EXOC4: variants seen among roughly 807,000 people sequenced by gnomAD.
EXOC4 encodes the protein exocyst complex component 4, also known as SEC8-like 1.
In EXOC4, 71 loss-of-function variants were observed where a neutral mutation model predicts 107.2. The observed-to-expected ratio is 0.66, with a 90% CI of 0.55 to 0.81. The LOEUF is 0.81. Ranked by LOEUF, EXOC4 falls within the 30% of genes least tolerant of loss-of-function variation. The probability of loss-of-function intolerance (pLI) is 0.00; values close to 1 mark genes in which losing one functional copy is unlikely to be tolerated. For synonymous variants in EXOC4, 456 were observed against 441.2 expected (o/e 1.03, Z -0.42); for missense variants, 1,108 against 1,189.6 (o/e 0.93, Z 1.01).
chr7:134,031,412 G>A (rs572201941), intron 17 of EXOC4, among the ~76,000 whole-genome samples: 10 of 152,024 alleles, frequency 6.6e-5, no homozygotes, highest in Admixed American at 3.9e-4. Context: ...CATTTTTATG[G>A]GTTATGGAAA....
chr7:133,298,968 A>G (rs1404048533), intron 3 of EXOC4, among the ~76,000 whole-genome samples: 1 of 152,200 alleles, frequency 6.6e-6, no homozygotes, highest in Non-Finnish European at 1.5e-5. Context: ...AATACTAAAT[A>G]TAATGTTTAG....
chr7:133,716,629 A>G (rs1023084092), intron 10 of EXOC4, among the ~76,000 whole-genome samples: 9 of 152,174 alleles, frequency 5.9e-5, no homozygotes, highest in African/African-American at 2.2e-4. Flanking sequence ...TATAGGATTT[A>G]TTTGTTTTAC....
intron 11 of EXOC4, among the ~76,000 whole-genome samples, chr7:133,871,508 G>A (rs116470920): frequency 0.01 from 1,563 of 152,108 alleles, 24 homozygotes; most frequent in African/African-American, 0.036. Flanking sequence ...AACCTTACAC[G>A]TTTTCCCCCC....
intron 4 of EXOC4, among the ~76,000 whole-genome samples, chr7:133,308,640 A>G (rs1300092270): frequency 2.0e-5 from 3 of 152,196 alleles, no homozygotes; most frequent in Admixed American, 6.6e-5. Flanking sequence ...TAGAGTATAA[A>G]TAAAAAAACC....
intron 9 of EXOC4, among the ~76,000 whole-genome samples, chr7:133,544,808 C>G (rs912847741): frequency 1.4e-5 from 2 of 145,690 alleles, no homozygotes; most frequent in Admixed American, 1.4e-4. Flanking sequence ...ACCTTGTTGT[C>G]TTCCACTTGT....
chr7:133,869,591 T>A (rs554578587), intron 11 of EXOC4, among the ~76,000 whole-genome samples: 3 of 152,342 alleles, frequency 2.0e-5, no homozygotes, highest in African/African-American at 7.2e-5. Flanking sequence ...ACTAAATGAT[T>A]GTTCTGGAAA....
chr7:133,658,529 G>A (rs1242067935), intron 10 of EXOC4, among the ~76,000 whole-genome samples: 2 of 152,206 alleles, frequency 1.3e-5, no homozygotes, highest in Non-Finnish European at 2.9e-5. Flanking sequence ...ATTGCACCTA[G>A]CCTGTGGGCT....
At position 133,683,589 on chromosome 7, in the gene EXOC4, A is replaced by C. The variant is rs372231821; in HGVS notation, c.1514+53448A>C. Reference sequence around the variant, plus strand: ...GTTAATTAAGTGTTGTTTTAAGGTTAGAATTATGAAAATAATTTCTAGTAA... The same window carrying C: ...GTTAATTAAGTGTTGTTTTAAGGTTCGAATTATGAAAATAATTTCTAGTAA... On this transcript the variant is annotated intron_variant, in intron 10 of 17. Transcript: ENST00000253861. Among the ~76,000 whole-genome samples the C allele has an allele frequency of 6.6e-5, 10 of 152,300 alleles. No individual in the cohort carries two copies. In the East Asian group the frequency reaches 9.6e-4, roughly 15 times the overall value.
chr7:133,409,752 A>G (rs542458222), intron 7 of EXOC4, among the ~76,000 whole-genome samples: 2 of 152,188 alleles, frequency 1.3e-5, no homozygotes, highest in South Asian at 2.1e-4. Context: ...GAATGCTACT[A>G]TTGGCCAGCT....
chr7:133,536,959 A>C (rs911185638), intron 9 of EXOC4, among the ~76,000 whole-genome samples: 27 of 152,168 alleles, frequency 1.8e-4, no homozygotes, highest in African/African-American at 5.8e-4. Context: ...ACTGTATTAC[A>C]TGACTATGTC....
intron 6 of EXOC4, 96 bp from the exon 7 acceptor site, chr7:133,374,732 T>G (rs950041317): frequency 2.5e-5 from 24 of 953,292 alleles, no homozygotes; most frequent in Non-Finnish European, 3.5e-5. Flanking sequence ...CATTGTAGAA[T>G]GCTACTTTAG....
At chr7:133,330,260 A>G (rs1211757336) in intron 5 of EXOC4, among the ~76,000 whole-genome samples, 1 of 151,868 alleles carries the variant, frequency 6.6e-6, no homozygotes, top group Non-Finnish European at 1.5e-5. Flanking sequence ...GCAATGGCAG[A>G]CGCCCCTCCC....
At chr7:133,725,746 G>A (rs1348041664) in intron 10 of EXOC4, among the ~76,000 whole-genome samples, 2 of 152,176 alleles carry the variant, frequency 1.3e-5, no homozygotes, top group African/African-American at 2.4e-5. Flanking sequence ...AAATGAACTA[G>A]CATGGTTGTG....
chr7:134,006,304 C>G (rs1408665780), intron 16 of EXOC4, among the ~76,000 whole-genome samples: 1 of 152,014 alleles, frequency 6.6e-6, no homozygotes, highest in African/African-American at 2.4e-5. Context: ...AACAAACAAA[C>G]AAACAAACAA....
chr7:133,334,797 C>T (rs955884577), intron 5 of EXOC4, among the ~76,000 whole-genome samples: 3 of 152,002 alleles, frequency 2.0e-5, no homozygotes, highest in Non-Finnish European at 4.4e-5. Context: ...CATTTAGTTC[C>T]TACTCATTAG....
chr7:133,776,660 A>G (rs528951047), intron 10 of EXOC4, among the ~76,000 whole-genome samples: 4 of 152,294 alleles, frequency 2.6e-5, no homozygotes, highest in Non-Finnish European at 4.4e-5. Context: ...TAAATCATCA[A>G]CATATTATTT....
At chr7:133,308,828 C>A (rs765117590) in intron 4 of EXOC4, among the ~76,000 whole-genome samples, 17 of 152,042 alleles carry the variant, frequency 1.1e-4, no homozygotes, top group Non-Finnish European at 2.4e-4. Flanking sequence ...ATTATTTGCC[C>A]ACCCAATGTC....
At chr7:133,778,762 C>T (rs1243522758) in intron 10 of EXOC4, among the ~76,000 whole-genome samples, 7 of 152,146 alleles carry the variant, frequency 4.6e-5, no homozygotes, top group African/African-American at 9.6e-5. Context: ...ATTGCTTTAT[C>T]GAATCCCTTA....
At chr7:133,272,387 A>T (rs887468211) in intron 1 of EXOC4, among the ~76,000 whole-genome samples, 2 of 152,086 alleles carry the variant, frequency 1.3e-5, no homozygotes, top group African/African-American at 4.8e-5. Flanking sequence ...AATTAATTCA[A>T]CGTCTTTAAA....
Sources: allele counts gnomAD v4.1 joint callset (sites outside exome capture counted in the v4.1 genomes callset), GRCh38; gene constraint gnomAD v4.1.1; transcripts MANE v1.5; gene names NCBI Gene and HGNC (gene_info 2026-07-23, HGNC 2026-07-21).